SNTG2: variants seen among roughly 807,000 people sequenced by gnomAD.
The protein encoded by SNTG2 is syntrophin gamma 2, also known as gamma-2-syntrophin.
SNTG2 carries 74 observed loss-of-function variants against 70.9 expected under a neutral mutation model. That is an observed-to-expected ratio of 1.04 (90% CI 0.86 to 1.27). The LOEUF (loss-of-function observed/expected upper bound fraction) is 1.27, where lower values mean the gene tolerates loss of function less well. Among genes scored for constraint, SNTG2 ranks in the 50% most tolerant of loss-of-function variants. The pLI is 0.00. For synonymous variants in SNTG2, 278 were observed against 273.8 expected, an observed-to-expected ratio of 1.02 and a Z score of -0.15; for missense variants, 717 against 690.7, an observed-to-expected ratio of 1.04 and a Z score of -0.43.
At chr2:1,130,518 T>A (rs1025049582) in intron 4 of SNTG2, among the ~76,000 whole-genome samples, 2 of 152,212 alleles carry the variant, frequency 1.3e-5, no homozygotes, top group East Asian at 3.8e-4. Flanking sequence ...AATTAAAGTT[T>A]TCTTTTTGAT....
chr2:1,202,826 T>C (rs1673361352), intron 8 of SNTG2, among the ~76,000 whole-genome samples: 1 of 152,202 alleles, frequency 6.6e-6, no homozygotes, highest in Non-Finnish European at 1.5e-5. Context: ...AGAAACATTT[T>C]ATTATGATTT....
chr2:1,331,537 C>T (rs1430817311), intron 16 of SNTG2, among the ~76,000 whole-genome samples: 1 of 152,166 alleles, frequency 6.6e-6, no homozygotes, highest in Non-Finnish European at 1.5e-5. Context: ...GTAATCTTGA[C>T]TGGTAACTTG....
chr2:1,175,819 C>A (rs58923894), intron 8 of SNTG2, among the ~76,000 whole-genome samples: 2 of 152,140 alleles, frequency 1.3e-5, no homozygotes, highest in Non-Finnish European at 2.9e-5. Flanking sequence ...GAAGGAGACA[C>A]AGAGCATGGG....
At chr2:1,194,089 T>G (rs185172681) in intron 8 of SNTG2, among the ~76,000 whole-genome samples, 1 of 152,294 alleles carries the variant, frequency 6.6e-6, no homozygotes, top group East Asian at 1.9e-4. Context: ...TCTACCACAT[T>G]AGTGTTTATT....
chr2:1,303,934 A>G (rs1215406201), intron 14 of SNTG2, among the ~76,000 whole-genome samples: 1 of 152,220 alleles, frequency 6.6e-6, no homozygotes, highest in East Asian at 1.9e-4. Flanking sequence ...GGGTAGCCTT[A>G]CCATTACTAA....
chr2:1,183,629 G>GA, intron 8 of SNTG2, among the ~76,000 whole-genome samples: 1 of 152,278 alleles, frequency 6.6e-6, no homozygotes, highest in South Asian at 2.1e-4. Flanking sequence ...GCAACTTTGT[G>GA]ATTCAGTCTG....
intron 12 of SNTG2, among the ~76,000 whole-genome samples, chr2:1,257,304 G>A (rs1558604812): frequency 3.3e-5 from 5 of 152,310 alleles, no homozygotes; most frequent in Admixed American, 2.0e-4. Context: ...CGAAGATGAT[G>A]AGAATTCTGG....
chr2:1,119,680 A>G (rs1667261412), intron 4 of SNTG2, among the ~76,000 whole-genome samples: 1 of 152,138 alleles, frequency 6.6e-6, no homozygotes, highest in Admixed American at 6.6e-5. Context: ...GCAGACATAC[A>G]AAGGGTGAAA....
intron 8 of SNTG2, among the ~76,000 whole-genome samples, chr2:1,194,977 G>A (rs1672818306): frequency 6.6e-6 from 1 of 152,132 alleles, no homozygotes; most frequent in African/African-American, 2.4e-5. Flanking sequence ...AACATGCAGT[G>A]TTTGGTTTTC....
At chr2:973,947 A>G (rs759469054) in intron 1 of SNTG2, among the ~76,000 whole-genome samples, 1 of 152,044 alleles carries the variant, frequency 6.6e-6, no homozygotes, top group Non-Finnish European at 1.5e-5. Context: ...TCTCTTACAC[A>G]CTTGAACATC....
chr2:1,300,529 C>T (rs1249719626), intron 14 of SNTG2, among the ~76,000 whole-genome samples: 2 of 152,138 alleles, frequency 1.3e-5, no homozygotes, highest in East Asian at 1.9e-4. Context: ...TGGGCCGTGC[C>T]GGCCCCTGCT....
chr2:1,054,014 G>A (rs1325990648), intron 1 of SNTG2, among the ~76,000 whole-genome samples: 4 of 151,908 alleles, frequency 2.6e-5, no homozygotes, highest in Non-Finnish European at 5.9e-5. Flanking sequence ...GGATTACAGG[G>A]ATTTAACCTG....
chr2:1,156,229 A>T (rs1382044627), intron 6 of SNTG2, among the ~76,000 whole-genome samples: 1 of 152,196 alleles, frequency 6.6e-6, no homozygotes, highest in East Asian at 1.9e-4. Context: ...GTGATGTAGG[A>T]CGAGGCGAAT....
intron 1 of SNTG2, among the ~76,000 whole-genome samples, chr2:1,000,279 T>C (rs988494603): frequency 6.6e-6 from 1 of 151,270 alleles, no homozygotes; most frequent in Non-Finnish European, 1.5e-5. Context: ...TAAATAAAGA[T>C]AAAAGCAAAA....
intron 1 of SNTG2, among the ~76,000 whole-genome samples, chr2:1,035,267 G>A (rs747419445): frequency 6.6e-6 from 1 of 152,306 alleles, no homozygotes; most frequent in East Asian, 1.9e-4. Context: ...TTTGCTGAGT[G>A]TCTGAGGCTC....
chr2:1,056,978 G>A (rs554423765), intron 1 of SNTG2, among the ~76,000 whole-genome samples: 2 of 141,134 alleles, frequency 1.4e-5, no homozygotes, highest in South Asian at 2.4e-4. Flanking sequence ...GGGAGAGCGC[G>A]GGGCCACCCC....
intron 14 of SNTG2, among the ~76,000 whole-genome samples, chr2:1,283,364 A>AT (rs1679636812): frequency 6.6e-6 from 1 of 152,140 alleles, no homozygotes; most frequent in Non-Finnish European, 1.5e-5. Flanking sequence ...TTTGGCCAAC[A>AT]TGGAGGCTTC....
At chr2:951,132 TC>T (rs901076086) in intron 1 of SNTG2, 64 bp downstream of exon 1, 5 of 708,784 alleles carry the variant, frequency 7.1e-6, no homozygotes, top group African/African-American at 1.9e-5. Context: ...CGCGCCCTTC[TC>T]CCCCCGCCCC....
chr2:1,320,132 A>G (rs1331925040), intron 16 of SNTG2, among the ~76,000 whole-genome samples: 2 of 152,214 alleles, frequency 1.3e-5, no homozygotes, highest in Non-Finnish European at 2.9e-5. Flanking sequence ...ACGCTACCTT[A>G]GTAATTAGTG....
Sources: allele counts gnomAD v4.1 joint callset (sites outside exome capture counted in the v4.1 genomes callset), GRCh38; gene constraint gnomAD v4.1.1; transcripts MANE v1.5; gene names NCBI Gene and HGNC (gene_info 2026-07-23, HGNC 2026-07-21).